IMMP2L: variants seen among roughly 807,000 people sequenced by gnomAD.
IMMP2L encodes mitochondrial inner membrane protease subunit 2.
Under a neutral mutation model 19.3 loss-of-function variants are expected in IMMP2L, and 18 were observed. The observed-to-expected ratio is 0.93, with a 90% confidence interval of 0.64 to 1.38. The LOEUF is 1.38. IMMP2L is among the 40% of genes most tolerant of loss of function. The probability of loss-of-function intolerance (pLI) is 0.00; values close to 1 mark genes in which losing one functional copy is unlikely to be tolerated. For synonymous variants in IMMP2L, 76 were observed against 73.0 expected (o/e 1.04, Z -0.21); for missense variants, 233 against 218.2 (o/e 1.07, Z -0.43).
chr7:110,770,150 C>A (rs4727746), intron 5 of IMMP2L, among the ~76,000 whole-genome samples: 57,292 of 152,068 alleles, frequency 0.38, 11,096 homozygotes, highest in African/African-American at 0.47. Context: ...AGAAGATAAA[C>A]CTAATAGTGC....
intron 3 of IMMP2L, among the ~76,000 whole-genome samples, chr7:110,978,960 T>C (rs1436837849): frequency 2.0e-5 from 3 of 152,042 alleles, no homozygotes; most frequent in African/African-American, 2.4e-5. Context: ...ATAAATATAC[T>C]TTTTAGTAAT....
chr7:111,124,894 T>G (rs773378794), intron 3 of IMMP2L: 1 of 1,532,316 alleles, frequency 6.5e-7, no homozygotes, highest in Non-Finnish European at 8.7e-7. Context: ...AACAAATATG[T>G]CCTAAAAACC....
chr7:111,172,849 C>T (rs1177851789), intron 3 of IMMP2L, among the ~76,000 whole-genome samples: 1 of 151,520 alleles, frequency 6.6e-6, no homozygotes, highest in Non-Finnish European at 1.5e-5. Flanking sequence ...AGGCAACCTA[C>T]CATTAAATTA....
chr7:111,297,821 G>C (rs532636974), intron 3 of IMMP2L, among the ~76,000 whole-genome samples: 42 of 152,182 alleles, frequency 2.8e-4, no homozygotes, highest in African/African-American at 9.6e-4. Context: ...AGTGTATACT[G>C]TATAAGTCCA....
chr7:110,787,132 T>C (rs750684830), intron 5 of IMMP2L, among the ~76,000 whole-genome samples: 2 of 152,018 alleles, frequency 1.3e-5, no homozygotes, highest in Non-Finnish European at 2.9e-5. Flanking sequence ...TTTGTCATAG[T>C]TACCATGATA....
At chr7:111,243,503 CTTG>C (rs981601983) in intron 3 of IMMP2L, among the ~76,000 whole-genome samples, 10 of 112,812 alleles carry the variant, frequency 8.9e-5, no homozygotes, top group African/African-American at 3.4e-4. Flanking sequence ...CTCTATATTT[CTTG>C]TTGCTTTATT....
intron 5 of IMMP2L, among the ~76,000 whole-genome samples, chr7:110,721,777 C>T (rs561338064): frequency 9.9e-5 from 15 of 151,974 alleles, no homozygotes; most frequent in Non-Finnish European, 1.9e-4. Context: ...ATAGAAAACT[C>T]GTGTGCTTAC....
Position 111,359,971 on chromosome 7 carries a change from C to T in IMMP2L, c.239+127267G>A, listed in dbSNP as rs912638926. Among the ~76,000 whole-genome samples, 7 of 152,172 alleles carry T rather than the reference C, an allele frequency of 4.6e-5. 1 individual carries two copies. In the East Asian group the frequency reaches 1.3e-3, roughly 29 times the overall value. On this transcript the variant is annotated intron_variant, in intron 3 of 5. Coordinates refer to ENST00000405709, the MANE Select transcript of IMMP2L (RefSeq NM_032549.4). ...GAATTATTTCATACTATTATAATTACTAAATTAATAATAACCTATTTGAAT... is the reference window on the plus strand; with the variant it reads ...GAATTATTTCATACTATTATAATTATTAAATTAATAATAACCTATTTGAAT...
In IMMP2L at chr7:111,361,022, C is replaced by T. The variant is rs183657804; in HGVS notation, c.239+126216G>A. Among the ~76,000 whole-genome samples the T allele has an allele frequency of 2.6e-5, 4 of 152,060 alleles. No homozygotes were observed. The South Asian group carries it at 6.2e-4, about 24-fold the overall frequency. The stretch of plus-strand genomic sequence containing the variant: ...GCTAAATATTGATGAAACTAACCCA[C>T]AGAACAGAAGCTCTTTAGGGTCCTA... On this transcript the variant is annotated intron_variant, in intron 3 of 5. Transcript: ENST00000405709.
intron 1 of IMMP2L, among the ~76,000 whole-genome samples, chr7:111,552,829 G>A (rs986031634): frequency 1.3e-5 from 2 of 152,088 alleles, no homozygotes; most frequent in East Asian, 1.9e-4. Context: ...ACTTCCACAG[G>A]TAAGTCATAA....
intron 1 of IMMP2L, among the ~76,000 whole-genome samples, chr7:111,550,912 G>A (rs536248783): frequency 1.3e-5 from 2 of 152,236 alleles, no homozygotes; most frequent in Non-Finnish European, 2.9e-5. Flanking sequence ...GCAAAGAACT[G>A]CTAAAGAGGG....
chr7:111,115,223 T>C (rs1327856711), intron 3 of IMMP2L, among the ~76,000 whole-genome samples: 1 of 152,188 alleles, frequency 6.6e-6, no homozygotes, highest in East Asian at 1.9e-4. Context: ...TGTTATGACA[T>C]ATTGTAAATT....
chr7:110,965,574 G>T (rs528058730), intron 3 of IMMP2L, among the ~76,000 whole-genome samples: 6 of 151,830 alleles, frequency 4.0e-5, no homozygotes, highest in African/African-American at 1.5e-4. Context: ...TGTCATTAAT[G>T]TACAGCTGAA....
chr7:111,438,762 A>C (rs1055940323), intron 3 of IMMP2L, among the ~76,000 whole-genome samples: 15 of 151,874 alleles, frequency 9.9e-5, no homozygotes, highest in African/African-American at 3.2e-4. Context: ...TTGACCAGTA[A>C]GACTATCAGT....
At chr7:111,216,361 T>A (rs1811921184) in intron 3 of IMMP2L, among the ~76,000 whole-genome samples, 1 of 152,178 alleles carries the variant, frequency 6.6e-6, no homozygotes, top group South Asian at 2.1e-4. Flanking sequence ...ATTCCACATC[T>A]TAAACTTGCT....
At chr7:110,879,218 C>T (rs1273178900) in intron 5 of IMMP2L, among the ~76,000 whole-genome samples, 1 of 151,964 alleles carries the variant, frequency 6.6e-6, no homozygotes. Context: ...TGGTGAAACC[C>T]TGTCTCTACT....
intron 3 of IMMP2L, among the ~76,000 whole-genome samples, chr7:110,992,144 T>C (rs1468769650): frequency 1.3e-5 from 2 of 152,156 alleles, no homozygotes; most frequent in Non-Finnish European, 2.9e-5. Context: ...TATAAGTCCG[T>C]TGAAGGTATA....
intron 3 of IMMP2L, among the ~76,000 whole-genome samples, chr7:111,311,452 C>T (rs776522432): frequency 2.0e-5 from 3 of 152,032 alleles, no homozygotes; most frequent in Non-Finnish European, 2.9e-5. Flanking sequence ...CAAGTAAGAG[C>T]CATGTATGGT....
chr7:110,759,675 G>A (rs1008874007), intron 5 of IMMP2L, among the ~76,000 whole-genome samples: 6 of 152,120 alleles, frequency 3.9e-5, no homozygotes, highest in Admixed American at 3.3e-4. Context: ...TAACATGTAT[G>A]TACAGACAGA....
Sources: allele counts gnomAD v4.1 joint callset (sites outside exome capture counted in the v4.1 genomes callset), GRCh38; gene constraint gnomAD v4.1.1; transcripts MANE v1.5; gene names NCBI Gene and HGNC (gene_info 2026-07-23, HGNC 2026-07-21).